DLGAP1: variants seen among roughly 807,000 people sequenced by gnomAD.
The protein encoded by DLGAP1 is disks large-associated protein 1.
DLGAP1 carries 11 observed loss-of-function variants against 90.8 expected under a neutral mutation model. The observed-to-expected ratio is 0.12, with a 90% CI of 0.08 to 0.20. DLGAP1 has a LOEUF of 0.20. Ranked by LOEUF, DLGAP1 falls within the 10% of genes least tolerant of loss-of-function variation. DLGAP1 has a pLI of 1.00. For synonymous variants in DLGAP1, 558 were observed against 540.7 expected (o/e 1.03, Z -0.44); for missense variants, 1,050 against 1,333.8 (o/e 0.79, Z 3.31).
At chr18:4,070,842 C>T (rs1395368273) in intron 2 of DLGAP1, among the ~76,000 whole-genome samples, 2 of 152,062 alleles carry the variant, frequency 1.3e-5, no homozygotes, top group African/African-American at 4.8e-5. Context: ...ACATGCCTCT[C>T]AGAAATCTAT....
chr18:3,639,807 T>C (rs891668042), intron 7 of DLGAP1, among the ~76,000 whole-genome samples: 1 of 131,924 alleles, frequency 7.6e-6, no homozygotes, highest in Admixed American at 8.1e-5. Flanking sequence ...CAGGCTGGAG[T>C]GCAGTGGCGC....
chr18:3,866,413 T>G (rs574888818), intron 4 of DLGAP1, among the ~76,000 whole-genome samples: 27 of 152,236 alleles, frequency 1.8e-4, no homozygotes, highest in African/African-American at 6.0e-4. Context: ...CAGCTTAGAT[T>G]GATTAATAGG....
intron 1 of DLGAP1, among the ~76,000 whole-genome samples, chr18:4,219,589 T>C (rs1273887097): frequency 6.6e-6 from 1 of 152,114 alleles, no homozygotes; most frequent in Non-Finnish European, 1.5e-5. Context: ...TGTGTTCTTC[T>C]AGTTGCTTTA....
intron 1 of DLGAP1, among the ~76,000 whole-genome samples, chr18:4,198,080 G>A (rs889127356): frequency 2.6e-5 from 4 of 151,838 alleles, no homozygotes; most frequent in South Asian, 4.2e-4. Context: ...AAAATCAGCC[G>A]GGGCGTGGTG....
At chr18:3,923,281 G>GA (rs1379627058) in intron 3 of DLGAP1, among the ~76,000 whole-genome samples, 1 of 151,896 alleles carries the variant, frequency 6.6e-6, no homozygotes, top group Admixed American at 6.6e-5. Flanking sequence ...TCTTTTGGAT[G>GA]AAATCAGTAT....
chr18:3,564,102 G>T (rs1457106545), intron 9 of DLGAP1, among the ~76,000 whole-genome samples: 1 of 152,124 alleles, frequency 6.6e-6, no homozygotes, highest in Non-Finnish European at 1.5e-5. Context: ...TTCAAACTGT[G>T]TTTTTTACCT....
chr18:3,823,015 T>G (rs905128461), intron 4 of DLGAP1, among the ~76,000 whole-genome samples: 1 of 152,164 alleles, frequency 6.6e-6, no homozygotes, highest in African/African-American at 2.4e-5. Context: ...GGAAGGGAAA[T>G]GAATTTTATT....
intron 2 of DLGAP1, among the ~76,000 whole-genome samples, chr18:4,139,549 T>G (rs1422656406): frequency 6.6e-6 from 1 of 151,990 alleles, no homozygotes; most frequent in African/African-American, 2.4e-5. Flanking sequence ...GGTCTATCCT[T>G]GATAATGATC....
chr18:3,674,309 A>ATATG (rs111386193), intron 7 of DLGAP1, among the ~76,000 whole-genome samples: 13 of 140,514 alleles, frequency 9.3e-5, no homozygotes, highest in African/African-American at 3.7e-4. Context: ...ATATATATAT[A>ATATG]TATGTATATT....
chr18:3,580,710 C>T, intron 8 of DLGAP1: 1 of 1,613,882 alleles, frequency 6.2e-7, no homozygotes, highest in Non-Finnish European at 8.5e-7. Flanking sequence ...CACAGTCAAC[C>T]ACAGGCCTCT....
chr18:3,600,188 A>G (rs548849), intron 7 of DLGAP1, among the ~76,000 whole-genome samples: 68,789 of 152,070 alleles, frequency 0.45, 16,294 homozygotes, highest in Middle Eastern at 0.63. Context: ...GGAGTTCTGG[A>G]TGTTCATTAG....
intron 10 of DLGAP1, among the ~76,000 whole-genome samples, chr18:3,527,810 C>G (rs2051744737): frequency 6.6e-6 from 1 of 152,056 alleles, no homozygotes; most frequent in African/African-American, 2.4e-5. Context: ...CCAGGCCAAT[C>G]TTGGACTCCT....
chr18:3,767,431 A>C (rs1226975912), intron 5 of DLGAP1, among the ~76,000 whole-genome samples: 3 of 152,110 alleles, frequency 2.0e-5, no homozygotes, highest in Non-Finnish European at 4.4e-5. Context: ...CTAATATCAA[A>C]AGCAGAAAAA....
chr18:3,911,232 A>G (rs2072027028), intron 3 of DLGAP1, among the ~76,000 whole-genome samples: 1 of 152,164 alleles, frequency 6.6e-6, no homozygotes. Flanking sequence ...TCTTATACAT[A>G]TTTGATTACT....
At chr18:4,223,207 C>T (rs766281176) in intron 1 of DLGAP1, among the ~76,000 whole-genome samples, 10 of 151,978 alleles carry the variant, frequency 6.6e-5, no homozygotes, top group Non-Finnish European at 1.5e-4. Context: ...ATATTGCTGA[C>T]CTTTAAATTA....
At chr18:3,954,368 T>C (rs2073045049) in intron 3 of DLGAP1, among the ~76,000 whole-genome samples, 1 of 152,222 alleles carries the variant, frequency 6.6e-6, no homozygotes, top group African/African-American at 2.4e-5. Context: ...AACAGGATTT[T>C]TGATGTTAAG....
chr18:4,070,801 GA>G (rs1249728678), intron 2 of DLGAP1, among the ~76,000 whole-genome samples: 2 of 152,090 alleles, frequency 1.3e-5, no homozygotes, highest in Non-Finnish European at 2.9e-5. Context: ...ATACGTATAA[GA>G]AGTTAAAAGT....
At chr18:3,960,865 T>G (rs2073184475) in intron 3 of DLGAP1, among the ~76,000 whole-genome samples, 1 of 152,202 alleles carries the variant, frequency 6.6e-6, no homozygotes, top group African/African-American at 2.4e-5. Context: ...TGGAGTTGAC[T>G]GGCCCTCATG....
intron 1 of DLGAP1, among the ~76,000 whole-genome samples, chr18:4,306,631 AACTT>A (rs74270583): frequency 0.02 from 2,994 of 152,264 alleles, 37 homozygotes; most frequent in Admixed American, 0.031. Context: ...AAGGTATTAT[AACTT>A]ACTATTACAT....
Sources: gnomAD v4.1 joint callset for allele counts (sites outside exome capture counted in the v4.1 genomes callset) on GRCh38, gnomAD v4.1.1 for gene constraint, MANE v1.5 for transcripts, NCBI Gene and HGNC (gene_info 2026-07-23, HGNC 2026-07-21) for gene names.